Variants in MBOAT2 observed in about 807,000 individuals in gnomAD.
The protein encoded by MBOAT2 is membrane bound glycerophospholipid O-acyltransferase 2, also known as membrane-bound glycerophospholipid O-acyltransferase 2.
MBOAT2 carries 28 observed loss-of-function variants against 63.4 expected under a neutral mutation model. The ratio of observed to expected loss-of-function variants is 0.44; its 90% CI spans 0.33 to 0.61. MBOAT2 has a LOEUF of 0.61. Ranked by LOEUF, MBOAT2 falls within the 20% of genes least tolerant of loss-of-function variation. The probability of loss-of-function intolerance (pLI) is 0.03; values close to 1 mark genes in which losing one functional copy is unlikely to be tolerated. For missense variants in MBOAT2, 470 were observed against 605.8 expected (o/e 0.78, Z 2.35); for synonymous variants, 211 against 215.6 (o/e 0.98, Z 0.19).
At chr2:8,990,779 C>T (rs947625996) in intron 1 of MBOAT2, among the ~76,000 whole-genome samples, 1 of 152,084 alleles carries the variant, frequency 6.6e-6, no homozygotes, top group African/African-American at 2.4e-5. Context: ...ATGTTTGATG[C>T]CAAGTTTACC....
intron 3 of MBOAT2, among the ~76,000 whole-genome samples, chr2:8,924,829 T>C (rs1458030614): frequency 1.3e-5 from 2 of 152,098 alleles, no homozygotes; most frequent in Non-Finnish European, 2.9e-5. Flanking sequence ...ACAAATAAAT[T>C]GGTTTTTGGC....
intron 1 of MBOAT2, among the ~76,000 whole-genome samples, chr2:8,976,366 G>A (rs941669103): frequency 6.6e-6 from 1 of 151,920 alleles, no homozygotes; most frequent in East Asian, 1.9e-4. Flanking sequence ...ACTCTCCTAT[G>A]AAATTAAAAG....
intron 1 of MBOAT2, among the ~76,000 whole-genome samples, chr2:8,969,491 T>A (rs1377512229): frequency 1.3e-5 from 2 of 152,118 alleles, no homozygotes; most frequent in African/African-American, 2.4e-5. Context: ...AGCTAACATC[T>A]TAATGACAGG....
intron 1 of MBOAT2, among the ~76,000 whole-genome samples, chr2:8,972,656 T>G (rs1425989606): frequency 3.3e-5 from 5 of 151,790 alleles, no homozygotes. Flanking sequence ...TACAAAGAAC[T>G]CAAACAAATT....
chr2:8,886,005 G>A (rs573046312), intron 5 of MBOAT2, among the ~76,000 whole-genome samples: 5 of 152,194 alleles, frequency 3.3e-5, no homozygotes, highest in East Asian at 1.9e-4. Flanking sequence ...CCCCTACACC[G>A]ATAGGAAATG....
chr2:8,963,064 C>G (rs899960325), intron 1 of MBOAT2, among the ~76,000 whole-genome samples: 2 of 151,854 alleles, frequency 1.3e-5, no homozygotes, highest in Admixed American at 6.6e-5. Flanking sequence ...ATGGTGAAAC[C>G]CCATCTCTAC....
rs531674365 is a variant in MBOAT2, at chr2:8,898,029, A to C, written c.396-9956T>G. Among the ~76,000 whole-genome samples, 7 of 152,274 alleles carry C rather than the reference A, an allele frequency of 4.6e-5. No individual in the cohort carries two copies. The South Asian group carries it at 1.5e-3, about 32-fold the overall frequency. On this transcript the variant is annotated intron_variant, in intron 4 of 12. Coordinates refer to ENST00000305997, the MANE Select transcript of MBOAT2 (RefSeq NM_138799.4). The stretch of plus-strand genomic sequence containing the variant: ...CACTAAGACGGCCACCGCCACAACT[A>C]TCCGTAAACAGTGAGGCCAATCTTT...
intron 3 of MBOAT2, among the ~76,000 whole-genome samples, chr2:8,929,592 A>G (rs1667176431): frequency 6.6e-6 from 1 of 152,206 alleles, no homozygotes. Flanking sequence ...AGCTCAAGCG[A>G]TCTGCCTGCG....
chr2:8,864,284 T>C, intron 9 of MBOAT2, 50 bp from the exon 10 acceptor site: 1 of 1,050,900 alleles, frequency 9.5e-7, no homozygotes, highest in Non-Finnish European at 1.4e-6. Flanking sequence ...AATGAAGCTT[T>C]AAATATAATA....
At chr2:8,961,750 GT>G (rs1289040835) in intron 1 of MBOAT2, among the ~76,000 whole-genome samples, 2 of 152,182 alleles carry the variant, frequency 1.3e-5, no homozygotes, top group East Asian at 3.8e-4. Context: ...TATGTGGCAG[GT>G]ATGAGTACAC....
intron 3 of MBOAT2, among the ~76,000 whole-genome samples, chr2:8,938,502 C>T (rs990326145): frequency 6.6e-6 from 1 of 151,426 alleles, no homozygotes; most frequent in South Asian, 2.1e-4. Context: ...CGTTTCATGC[C>T]GCCACATTTT....
intron 2 of MBOAT2, among the ~76,000 whole-genome samples, chr2:8,956,790 T>C (rs989900821): frequency 6.6e-6 from 1 of 152,192 alleles, no homozygotes; most frequent in Non-Finnish European, 1.5e-5. Flanking sequence ...ACTTGTGACA[T>C]TGTGTTATAA....
At chr2:8,993,929 G>A (rs1230189041) in intron 1 of MBOAT2, among the ~76,000 whole-genome samples, 2 of 152,278 alleles carry the variant, frequency 1.3e-5, no homozygotes, top group East Asian at 1.9e-4. Context: ...CACCCAAAAC[G>A]CCAGGTTCTG....
chr2:8,997,730 C>T (rs1379278724), intron 1 of MBOAT2, among the ~76,000 whole-genome samples: 3 of 152,084 alleles, frequency 2.0e-5, no homozygotes, highest in East Asian at 1.9e-4. Context: ...TATTATTATC[C>T]TTATTTTACA....
chr2:8,929,081 C>T (rs1393875929), intron 3 of MBOAT2, among the ~76,000 whole-genome samples: 1 of 152,080 alleles, frequency 6.6e-6, no homozygotes, highest in African/African-American at 2.4e-5. Context: ...CTACTTATGT[C>T]AGCAGACACA....
chr2:8,922,809 T>C (rs1357631507), intron 3 of MBOAT2, among the ~76,000 whole-genome samples: 2 of 152,190 alleles, frequency 1.3e-5, no homozygotes, highest in South Asian at 2.1e-4. Context: ...AGTCCCTTGA[T>C]GGCTCTCTCA....
intron 4 of MBOAT2, among the ~76,000 whole-genome samples, chr2:8,904,997 TAC>T (rs370560826): frequency 1.7e-3 from 258 of 151,366 alleles, no homozygotes; most frequent in Middle Eastern, 6.8e-3. Flanking sequence ...AATTTACACA[TAC>T]ACACACACAC....
chr2:8,878,511 C>T (rs1464629765), intron 6 of MBOAT2, among the ~76,000 whole-genome samples: 1 of 151,980 alleles, frequency 6.6e-6, no homozygotes, highest in African/African-American at 2.4e-5. Flanking sequence ...GAGAGAATAC[C>T]CTCATAAACA....
intron 11 of MBOAT2, among the ~76,000 whole-genome samples, chr2:8,861,445 G>A (rs1022878400): frequency 2.0e-5 from 3 of 152,110 alleles, no homozygotes; most frequent in Admixed American, 1.3e-4. Context: ...GTTTTTAAGC[G>A]CAAGAATGGA....
Sources: gnomAD v4.1 joint callset for allele counts (sites outside exome capture counted in the v4.1 genomes callset) on GRCh38, gnomAD v4.1.1 for gene constraint, MANE v1.5 for transcripts, NCBI Gene and HGNC (gene_info 2026-07-23, HGNC 2026-07-21) for gene names.